CD63: variants seen among roughly 807,000 people sequenced by gnomAD.
The protein encoded by CD63 is CD63 antigen.
A neutral mutation model predicts 29.2 loss-of-function variants in CD63; 16 were observed. That is an observed-to-expected ratio of 0.55 (90% CI 0.37 to 0.83). The LOEUF is 0.83. Among genes scored for constraint, CD63 ranks in the 40% least tolerant of loss-of-function variants. CD63 has a pLI of 0.00. For synonymous variants in CD63, 118 were observed against 111.7 expected (o/e 1.06, Z -0.36); for missense variants, 251 against 297.3 (o/e 0.84, Z 1.15).
At chr12:55,726,988 C>A in intron 3 of CD63, 24 bp from the exon 4 acceptor site, 2 of 1,612,434 alleles carry the variant, frequency 1.2e-6, no homozygotes, top group South Asian at 2.2e-5. Context: ...GGACAGAAGT[C>A]AAGTTTGGAG....
In CD63 at chr12:55,725,528, C is replaced by T. The variant is rs368848583; in HGVS notation, c.*33G>A. The T allele has an allele frequency of 1.1e-4, 169 of 1,542,892 alleles. 1 individual carries two copies. Among genetic ancestry groups the T allele is most frequent in the Non-Finnish European group, 1.4e-4 (156 of 1,115,396 alleles). ...AAAACCTGGAGGATACTATTCCACT[C>T]CCCCAGATGAGGAGGCTGAGGAGAC... On this transcript the variant is annotated 3_prime_UTR_variant, in exon 8 of 8. Coordinates refer to ENST00000257857, the MANE Select transcript of CD63 (RefSeq NM_001780.6).
chr12:55,727,119 G>C (rs1555169049), intron 3 of CD63, 32 bp downstream of exon 3: 1 of 1,600,794 alleles, frequency 6.2e-7, no homozygotes, highest in South Asian at 1.1e-5. Flanking sequence ...GGCAGTCCCA[G>C]ACCGCCCATG....
downstream of CD63, chr12:55,724,743 C>T (rs2136143539): frequency 1.5e-6 from 1 of 651,140 alleles, no homozygotes; most frequent in East Asian, 2.8e-5. Flanking sequence ...TCCAAACCGA[C>T]ATGCTCACGG....
chr12:55,723,639 A>C, downstream of CD63: 1 of 507,716 alleles, frequency 2.0e-6, no homozygotes, highest in Non-Finnish European at 3.6e-6. Flanking sequence ...TGCCATGCTT[A>C]AAATATTAAC....
intron 5 of CD63, 73 bp from the exon 6 acceptor site, chr12:55,726,334 C>CTTTTTTTTTT (rs777731653): frequency 1.0e-5 from 3 of 288,126 alleles, no homozygotes; most frequent in Admixed American, 6.3e-5. Context: ...GATGAGAATT[C>CTTTTTTTTTT]TTTTTTTTTT....
In CD63 at chr12:55,727,171, TCTC is replaced by T. The variant is rs1271096515; in HGVS notation, c.232_234del (p.Glu78del). The T allele has an allele frequency of 1.2e-6, 2 of 1,612,916 alleles. No individual in the cohort carries two copies. Among genetic ancestry groups the T allele is most frequent in the Middle Eastern group, 1.7e-4 (1 of 6,060 alleles). On this transcript the variant is annotated inframe_deletion, in exon 3 of 8. Coordinates refer to ENST00000257857, the MANE Select transcript of CD63 (RefSeq NM_001780.6). ...CTCACCGTGATCATAAGACAATAGT[TCTC>T]CTTGCAGGCCCCGCAGCAGCCCACA...
upstream of CD63, chr12:55,729,122 A>G: frequency 1.0e-6 from 1 of 985,006 alleles, no homozygotes; most frequent in African/African-American, 1.7e-5. Flanking sequence ...ACGCGGTAAC[A>G]GCTGCGGCCT....
rs1272222859 is a variant in CD63, at chr12:55,728,419, G to T, written c.-11-67C>A. ...GGGGGACCTCGGTTTCCGGGCTCCCGGCCGGCCCTCGAGGGCTTCCCTTCA... is the reference window on the plus strand; with the variant it reads ...GGGGGACCTCGGTTTCCGGGCTCCCTGCCGGCCCTCGAGGGCTTCCCTTCA... On this transcript the variant is annotated intron_variant, in intron 1 of 7. Coordinates refer to ENST00000257857, the MANE Select transcript of CD63 (RefSeq NM_001780.6). The surrounding 1 kb of genome is among the most constrained non-coding windows in gnomAD (Gnocchi z 4.8). 8.4e-6 allele frequency: 13 copies of T among 1,551,358 alleles called. No homozygotes were observed.
In CD63 at chr12:55,726,768, G is replaced by A. The variant is rs200393279; in HGVS notation, c.358C>T (p.Arg120Trp). 5.1e-5 allele frequency: 82 copies of A among 1,614,010 alleles called. No individual in the cohort carries two copies. The highest frequency in any genetic ancestry group is 3.3e-4 in the Middle Eastern group (2 of 6,062). ...TTCGGGTAATTCTCCATCTGCTGCC[G>A]GAAGTTGTTATTAAACTCTGACATC... ...KVMSEFNNNF[R>W]QQMENYPKNN... The change falls in exon 5 of 8, where the codon CGG becomes TGG. Residue 120 changes from arginine to tryptophan, a missense_variant. Transcript: ENST00000257857.
At chr12:55,723,890 G>T (rs1877057534), downstream of CD63, 2 of 1,613,720 alleles carry the variant, frequency 1.2e-6, no homozygotes, top group African/African-American at 1.3e-5. Context: ...CTCTAGGCGG[G>T]ATGTAGCTCA....
intron 2 of CD63, chr12:55,727,961 C>G (rs1877603382): frequency 8.2e-7 from 1 of 1,213,142 alleles, no homozygotes; most frequent in Non-Finnish European, 1.0e-6. Context: ...AAGGGAAGCC[C>G]CATGGCGATA....
At chr12:55,724,693 G>T (rs886049677), downstream of CD63, 35 of 815,940 alleles carry the variant, frequency 4.3e-5, no homozygotes, top group Non-Finnish European at 6.7e-5. Context: ...GGGCAGAAAT[G>T]TGCCCAGTGG....
In CD63 at chr12:55,725,836, C is replaced by A. The variant is rs767257154; in HGVS notation, c.628G>T (p.Ala210Ser). 3.7e-6 allele frequency: 6 copies of A among 1,614,082 alleles called. No homozygotes were observed. In the East Asian group the frequency reaches 1.3e-4, roughly 36 times the overall value. Residue 210 changes from alanine to serine, a missense_variant, in exon 7 of 8, where the codon GCC becomes TCC. Transcript: ENST00000257857. Reference sequence around the variant, plus strand: ...ACCTCGACAAAAGCAATTCCAAGGGCTGCTGCAGCTACCACCAGCACATTT... The same window carrying A: ...ACCTCGACAAAAGCAATTCCAAGGGATGCTGCAGCTACCACCAGCACATTT... ...RKNVLVVAAA[A>S]LGIAFVEVLG...
chr12:55,728,662 T>G lies in CD63; in HGVS notation c.-12+291A>C, dbSNP rs1399501385. The G allele has an allele frequency of 3.2e-6, 4 of 1,231,016 alleles. No individual in the cohort carries two copies. Among genetic ancestry groups the G allele is most frequent in the Non-Finnish European group, 2.0e-6 (2 of 978,686 alleles). The allele number at this position is 1,231,016 out of a possible 1,614,324, so 76.3% of individuals were successfully genotyped here. A position where few individuals can be genotyped will look rare whatever the true frequency, so the allele number is the denominator to read the frequency against. On this transcript the variant is annotated intron_variant, in intron 1 of 7. Coordinates refer to ENST00000257857, the MANE Select transcript of CD63 (RefSeq NM_001780.6). This position sits in a 1 kb window ranked among gnomAD's most constrained non-coding sequence, Gnocchi z 4.8. ...CCAGTCTCCGGGCGTCAAACACCCT[T>G]TCCCCACCCAACACCCAGCCTGGAG...
At position 55,728,047 on chromosome 12, in the gene CD63, G is replaced by C; in HGVS notation, c.66+229C>G. The C allele has an allele frequency of 1.2e-6, 1 of 826,724 alleles. No homozygotes were observed. Among genetic ancestry groups the C allele is most frequent in the Non-Finnish European group, 1.8e-6 (1 of 546,910 alleles). 51.2% of individuals were successfully genotyped at this position (826,724 alleles called of 1,614,324 possible). A position where few individuals can be genotyped will look rare whatever the true frequency, so the allele number is the denominator to read the frequency against. ...GGTCACCAGACAGGAAGGGCCAGGAGGGATGGGGGTAGGGGTTGCTGCACA... is the reference window on the plus strand; with the variant it reads ...GGTCACCAGACAGGAAGGGCCAGGACGGATGGGGGTAGGGGTTGCTGCACA... On this transcript the variant is annotated intron_variant, in intron 2 of 7. Transcript: ENST00000257857. The surrounding 1 kb of genome is among the most constrained non-coding windows in gnomAD (Gnocchi z 4.8).
rs992409156 is a variant in CD63, at chr12:55,728,657, A to G, written c.-12+296T>C. ...GCCCGCCAGTCTCCGGGCGTCAAACACCCTTTCCCCACCCAACACCCAGCC... is the reference window on the plus strand; with the variant it reads ...GCCCGCCAGTCTCCGGGCGTCAAACGCCCTTTCCCCACCCAACACCCAGCC... On this transcript the variant is annotated intron_variant, in intron 1 of 7. Transcript: ENST00000257857. The surrounding 1 kb of genome is among the most constrained non-coding windows in gnomAD (Gnocchi z 4.8). 4 of 1,220,780 alleles carry G rather than the reference A, an allele frequency of 3.3e-6. No individual in the cohort carries two copies. The highest frequency in any genetic ancestry group is 4.1e-6 in the Non-Finnish European group (4 of 974,576). The allele number at this position is 1,220,780 out of a possible 1,614,324, so 75.6% of individuals were successfully genotyped here.
downstream of CD63, chr12:55,724,696 C>G: frequency 3.7e-6 from 3 of 808,130 alleles, no homozygotes; most frequent in Admixed American, 6.1e-5. Flanking sequence ...CAGAAATGTG[C>G]CCAGTGGAAG....
chr12:55,724,717 T>C (rs922691111), downstream of CD63: 2 of 706,104 alleles, frequency 2.8e-6, no homozygotes, highest in Admixed American at 4.2e-5. Flanking sequence ...GCTGACCCCA[T>C]TTAAGTGCCA....
Position 55,727,964 on chromosome 12 carries a change from T to C in CD63, c.66+312A>G, listed in dbSNP as rs1017163162. The stretch of plus-strand genomic sequence containing the variant: ...GAAGGGAGAGCGAAGGGAAGCCCCA[T>C]GGCGATAGCATCAGGCGGTTGGCTG... On this transcript the variant is annotated intron_variant, in intron 2 of 7. Transcript: ENST00000257857. The C allele has an allele frequency of 2.9e-4, 350 of 1,208,022 alleles. 1 individual carries two copies. The highest frequency in any genetic ancestry group is 3.5e-4 in the Non-Finnish European group (336 of 949,108). 74.8% of individuals were successfully genotyped at this position (1,208,022 alleles called of 1,614,324 possible).
Sources: allele counts gnomAD v4.1 joint callset, GRCh38; gene constraint gnomAD v4.1.1; non-coding constraint Gnocchi (gnomAD v3.1); transcripts MANE v1.5; gene names NCBI Gene and HGNC (gene_info 2026-07-23, HGNC 2026-07-21).